Variants in PFKM observed in about 807,000 individuals in gnomAD.
The protein encoded by PFKM is ATP-dependent 6-phosphofructokinase, muscle type.
Under a neutral mutation model 95.5 loss-of-function variants are expected in PFKM, and 58 were observed. The ratio of observed to expected loss-of-function variants is 0.61; its 90% CI spans 0.49 to 0.76. The LOEUF (loss-of-function observed/expected upper bound fraction) is 0.76. Ranked by LOEUF, PFKM falls within the 30% of genes least tolerant of loss-of-function variation. The pLI, the probability that PFKM is intolerant of heterozygous loss-of-function variation, is 0.00. For synonymous variants in PFKM, 336 were observed against 357.2 expected (o/e 0.94, Z 0.67); for missense variants, 678 against 1,005.4 (o/e 0.67, Z 4.40).
chr12:48,138,409 C>T (rs1239673950), intron 11 of PFKM, among the ~76,000 whole-genome samples: 2 of 152,104 alleles, frequency 1.3e-5, no homozygotes, highest in African/African-American at 2.4e-5. Flanking sequence ...TACCACAGAG[C>T]GAACGTGGCG....
chr12:48,123,649 C>T (rs1054068484), intron 2 of PFKM, among the ~76,000 whole-genome samples: 3 of 152,126 alleles, frequency 2.0e-5, no homozygotes, highest in African/African-American at 7.2e-5. Flanking sequence ...AGAAGGAAAG[C>T]GATTTCAGCT....
intron 11 of PFKM, among the ~76,000 whole-genome samples, chr12:48,138,264 C>T (rs557230316): frequency 2.0e-5 from 3 of 152,242 alleles, no homozygotes; most frequent in South Asian, 4.1e-4. Context: ...TGAACCAACA[C>T]GAGGTTACTA....
At chr12:48,119,341 C>T (rs927294319), upstream of PFKM, 4 of 984,008 alleles carry the variant, frequency 4.1e-6, no homozygotes, top group Non-Finnish European at 4.8e-6. Flanking sequence ...TCGTCCATCA[C>T]CCCTCCCCCC....
At chr12:48,131,645 A>T (rs369765031) in intron 4 of PFKM, 7 of 524,848 alleles carry the variant, frequency 1.3e-5, no homozygotes, top group South Asian at 1.2e-4. Context: ...AAACAAGACT[A>T]TGGGGACTGA....
chr12:48,132,803 G>T, intron 4 of PFKM, 65 bp from the exon 5 acceptor site: 1 of 1,369,924 alleles, frequency 7.3e-7, no homozygotes, highest in Non-Finnish European at 1.0e-6. Context: ...CACAGCATTG[G>T]AATAGGGGAT....
intron 3 of PFKM, among the ~76,000 whole-genome samples, chr12:48,112,961 G>A (rs1431108961): frequency 6.6e-6 from 1 of 152,002 alleles, no homozygotes; most frequent in East Asian, 1.9e-4. Flanking sequence ...GGGAGTAGAG[G>A]CATCCTATAC....
rs536269841 is a variant in PFKM, at chr12:48,138,820, C to T, written c.1063-465C>T. Among the ~76,000 whole-genome samples, 153 of 152,098 alleles carry T rather than the reference C, an allele frequency of 1.0e-3. 1 individual carries two copies. The highest frequency in any genetic ancestry group is 3.3e-3 in the African/African-American group (135 of 41,472). The stretch of plus-strand genomic sequence containing the variant: ...CTATAATCCCAGCACTTTGGGAGGC[C>T]GAGGCAGGCAGATCACAAGGTCAGG... On this transcript the variant is annotated intron_variant, in intron 11 of 22. Coordinates refer to ENST00000359794, the MANE Select transcript of PFKM (RefSeq NM_000289.6).
At chr12:48,108,152 G>T (rs778625802) in exon 3 of PFKM, 2 of 1,598,680 alleles carry the variant, frequency 1.3e-6, no homozygotes, top group African/African-American at 2.7e-5. Context: ...AGATACTATG[G>T]ATGATCCAGA....
At chr12:48,106,391 T>A (rs1174394025) in intron 1 of PFKM, 1 of 467,830 alleles carries the variant, frequency 2.1e-6, no homozygotes, top group African/African-American at 2.1e-5. Flanking sequence ...GCCCGGCGAG[T>A]TTTGCTTGCT....
At chr12:48,128,459 G>A (rs993734427) in intron 2 of PFKM, among the ~76,000 whole-genome samples, 8 of 152,126 alleles carry the variant, frequency 5.3e-5, no homozygotes, top group African/African-American at 1.9e-4. Context: ...ATGTCTTGAA[G>A]ACCATTACCA....
chr12:48,130,220 G>A (rs1401145701), intron 2 of PFKM, 143 bp from the exon 3 acceptor site: 5 of 739,038 alleles, frequency 6.8e-6, no homozygotes, highest in Admixed American at 5.8e-5. Flanking sequence ...AGAAGACTTT[G>A]ATGAGAGGAT....
At chr12:48,108,187 C>G in exon 3 of PFKM, 25 of 1,597,392 alleles carry the variant, frequency 1.6e-5, no homozygotes, top group Non-Finnish European at 2.0e-5. Flanking sequence ...TACCTGTTTT[C>G]AAAACTGGTG....
intron 1 of PFKM, chr12:48,122,553 T>C (rs1467318861): frequency 1.3e-5 from 18 of 1,400,062 alleles, no homozygotes; most frequent in Non-Finnish European, 1.7e-5. Context: ...ACCTTAGTAG[T>C]CTTGGGCTTG....
Position 48,130,362 on chromosome 12 carries a change from G to A in PFKM, c.86-1G>A, listed in dbSNP as rs754826643. ...GTGACTTCTTTTGTCCCTCCTTTCA[G>A]GTATGAATGCTGCTGTCAGGGCTGT... On this transcript the variant is annotated splice_acceptor_variant, in intron 2 of 22. Coordinates refer to ENST00000359794, the MANE Select transcript of PFKM (RefSeq NM_000289.6). LOFTEE classifies it high-confidence loss of function. The A allele has an allele frequency of 1.2e-6, 2 of 1,613,044 alleles. No homozygotes were observed. The highest frequency in any genetic ancestry group is 2.2e-5 in the East Asian group (1 of 44,892).
intron 1 of PFKM, 111 bp downstream of exon 1, chr12:48,119,517 A>G (rs992713948): frequency 1.2e-5 from 7 of 576,878 alleles, no homozygotes; most frequent in Non-Finnish European, 1.5e-5. Flanking sequence ...AAGGAAAAGA[A>G]GAGATACGGC....
At chr12:48,119,350 C>G (rs886345958), upstream of PFKM, 16 of 985,138 alleles carry the variant, frequency 1.6e-5, no homozygotes, top group African/African-American at 1.7e-4. Flanking sequence ...ACCCCTCCCC[C>G]CTTTCCCAAG....
At chr12:48,141,627 C>A in intron 15 of PFKM, 113 bp from the exon 16 acceptor site, 2 of 903,020 alleles carry the variant, frequency 2.2e-6, no homozygotes, top group South Asian at 2.6e-5. Flanking sequence ...CGGCACAGGT[C>A]AAGAAATTAA....
rs140900282 is a variant in PFKM at position 48,145,177 on chromosome 12, G to C, written c.2093-33G>C. The stretch of plus-strand genomic sequence containing the variant: ...GCCCTCTATAGAGGCTGGTTCCCCA[G>C]TATAGAAGCTGACTGCCCATCCCTC... On this transcript the variant is annotated intron_variant, in intron 21 of 22. Coordinates refer to ENST00000359794, the MANE Select transcript of PFKM (RefSeq NM_000289.6). This position sits in a 1 kb window ranked among gnomAD's most constrained non-coding sequence, Gnocchi z 4.3. The C allele has an allele frequency of 1.1e-5, 17 of 1,611,264 alleles. No homozygotes were observed. The Admixed American group carries it at 1.8e-4, about 17-fold the overall frequency.
chr12:48,118,918 C>T (rs1449318995), upstream of PFKM, among the ~76,000 whole-genome samples: 1 of 152,018 alleles, frequency 6.6e-6, no homozygotes, highest in Non-Finnish European at 1.5e-5. Context: ...GCACCTAATG[C>T]AAAATCTAGC....
Sources: allele counts gnomAD v4.1 joint callset (sites outside exome capture counted in the v4.1 genomes callset), GRCh38; gene constraint gnomAD v4.1.1; non-coding constraint Gnocchi (gnomAD v3.1); transcripts MANE v1.5; gene names NCBI Gene and HGNC (gene_info 2026-07-23, HGNC 2026-07-21).